The following PIP4K2A variants were observed in gnomAD, a reference collection of about 807,000 sequenced individuals.
PIP4K2A encodes phosphatidylinositol-5-phosphate 4-kinase type 2 alpha.
In PIP4K2A, 14 loss-of-function variants were observed where a neutral mutation model predicts 42.9. That is an observed-to-expected ratio of 0.33 (90% CI 0.22 to 0.51). The LOEUF (loss-of-function observed/expected upper bound fraction) is 0.51. Among genes scored for constraint, PIP4K2A ranks in the 20% least tolerant of loss-of-function variants. The pLI is 0.97. For synonymous variants in PIP4K2A, 192 were observed against 192.2 expected, an observed-to-expected ratio of 1.00 and a Z score of 0.01; for missense variants, 434 against 519.8, an observed-to-expected ratio of 0.83 and a Z score of 1.61.
At chr10:22,688,452 A>G (rs933228898) in intron 1 of PIP4K2A, among the ~76,000 whole-genome samples, 1 of 152,172 alleles carries the variant, frequency 6.6e-6, no homozygotes, top group African/African-American at 2.4e-5. Context: ...TAAAAGCATG[A>G]AATACTGATT....
intron 1 of PIP4K2A, among the ~76,000 whole-genome samples, chr10:22,711,381 TC>T (rs1833908586): frequency 6.6e-6 from 1 of 152,246 alleles, no homozygotes; most frequent in Non-Finnish European, 1.5e-5. Flanking sequence ...TAGATTTCCT[TC>T]CCCTGTAGTC....
chr10:22,539,674 G>T (rs1006083111), intron 9 of PIP4K2A: 1 of 326,108 alleles, frequency 3.1e-6, no homozygotes, highest in Non-Finnish European at 5.6e-6. Context: ...AAGAAGAGAT[G>T]TTCATGTTTA....
intron 6 of PIP4K2A, among the ~76,000 whole-genome samples, chr10:22,563,224 T>C (rs968443532): frequency 1.3e-5 from 2 of 152,214 alleles, no homozygotes; most frequent in Admixed American, 6.5e-5. Context: ...CTCTGTCTTC[T>C]GGAATAAGAG....
At chr10:22,574,091 G>A (rs558846773) in intron 4 of PIP4K2A, among the ~76,000 whole-genome samples, 21 of 40,310 alleles carry the variant, frequency 5.2e-4, no homozygotes, top group Admixed American at 4.5e-3. Context: ...CATTTCCGAG[G>A]AGAGTTGCAA....
At chr10:22,571,155 T>C (rs1836977593) in intron 5 of PIP4K2A, among the ~76,000 whole-genome samples, 1 of 152,224 alleles carries the variant, frequency 6.6e-6, no homozygotes, top group Non-Finnish European at 1.5e-5. Flanking sequence ...GAGTTATGAG[T>C]TGAACTGGCC....
intron 1 of PIP4K2A, among the ~76,000 whole-genome samples, chr10:22,664,173 A>G (rs1448909377): frequency 6.0e-5 from 4 of 67,102 alleles, no homozygotes; most frequent in East Asian, 2.7e-4. Context: ...ATATACATAT[A>G]TATATATACA....
chr10:22,655,027 G>C (rs1168753928), intron 1 of PIP4K2A, among the ~76,000 whole-genome samples: 1 of 152,074 alleles, frequency 6.6e-6, no homozygotes, highest in Non-Finnish European at 1.5e-5. Flanking sequence ...ACCACCTGGG[G>C]CCAGGAGTTT....
At chr10:22,575,295 G>A (rs999114221) in intron 4 of PIP4K2A, among the ~76,000 whole-genome samples, 1 of 152,118 alleles carries the variant, frequency 6.6e-6, no homozygotes, top group Admixed American at 6.5e-5. Flanking sequence ...GGTCTGCTCC[G>A]AGGCAGTTAT....
intron 1 of PIP4K2A, among the ~76,000 whole-genome samples, chr10:22,690,272 A>C (rs1268246384): frequency 6.6e-6 from 1 of 152,206 alleles, no homozygotes; most frequent in Non-Finnish European, 1.5e-5. Context: ...AGGTACAGAG[A>C]GATTAATTCA....
At position 22,599,065 on chromosome 10, in the gene PIP4K2A, G is replaced by C. The variant is rs547988209; in HGVS notation, c.340-7284C>G. Among the ~76,000 whole-genome samples the C allele has an allele frequency of 2.8e-5, 4 of 142,662 alleles. No homozygotes were observed. The South Asian group carries it at 9.3e-4, about 33-fold the overall frequency. 93.6% of individuals were successfully genotyped at this position (142,662 alleles called of 152,430 possible). A position where few individuals can be genotyped will look rare whatever the true frequency, so the allele number is the denominator to read the frequency against. ...ACTTTGGGAAAAACTGTCTCTTATC[G>C]AATAAATTAAACTAGTTTCAACCTT... On this transcript the variant is annotated intron_variant, in intron 3 of 9. Coordinates refer to ENST00000376573, the MANE Select transcript of PIP4K2A (RefSeq NM_005028.5).
chr10:22,573,715 C>A (rs551827916), intron 4 of PIP4K2A, among the ~76,000 whole-genome samples: 1 of 152,232 alleles, frequency 6.6e-6, no homozygotes, highest in East Asian at 1.9e-4. Context: ...ATGGTCAAAC[C>A]TTGGATATGA....
intron 1 of PIP4K2A, among the ~76,000 whole-genome samples, chr10:22,652,345 T>C (rs1398547563): frequency 6.6e-6 from 1 of 152,078 alleles, no homozygotes; most frequent in Non-Finnish European, 1.5e-5. Flanking sequence ...GGTATTGAAC[T>C]CCTGACCTCA....
intron 1 of PIP4K2A, among the ~76,000 whole-genome samples, chr10:22,627,453 G>A (rs546167771): frequency 5.1e-4 from 78 of 151,778 alleles, no homozygotes; most frequent in African/African-American, 1.7e-3. Context: ...CTTAAATAGC[G>A]TATTAGTTTC....
chr10:22,602,475 T>C lies in PIP4K2A; in HGVS notation c.339+5452A>G, dbSNP rs917318326. On this transcript the variant is annotated intron_variant, in intron 3 of 9. Coordinates refer to ENST00000376573, the MANE Select transcript of PIP4K2A (RefSeq NM_005028.5). ...AAAAGAAAATACAGATGTCATGACA[T>C]TGCCATTCCCCTGAGCAAAACCCAC... Among the ~76,000 whole-genome samples the C allele has an allele frequency of 5.3e-5, 8 of 151,532 alleles. No individual in the cohort carries two copies. The South Asian group carries it at 6.3e-4, about 12-fold the overall frequency.
At chr10:22,597,589 G>A (rs1483006552) in intron 3 of PIP4K2A, among the ~76,000 whole-genome samples, 2 of 152,002 alleles carry the variant, frequency 1.3e-5, no homozygotes, top group African/African-American at 2.4e-5. Context: ...TATACTGGGA[G>A]TGCTGAATTC....
intron 8 of PIP4K2A, among the ~76,000 whole-genome samples, chr10:22,540,579 CAG>C (rs1226146879): frequency 6.6e-6 from 1 of 152,040 alleles, no homozygotes; most frequent in African/African-American, 2.4e-5. Flanking sequence ...TTTTTTGAGA[CAG>C]AGTTTTGTTC....
At chr10:22,661,557 C>T (rs1023879598) in intron 1 of PIP4K2A, among the ~76,000 whole-genome samples, 3 of 151,974 alleles carry the variant, frequency 2.0e-5, no homozygotes, top group Non-Finnish European at 4.4e-5. Context: ...GAAACAATGT[C>T]TCACTTTGTT....
intron 1 of PIP4K2A, among the ~76,000 whole-genome samples, chr10:22,672,293 G>T (rs993494423): frequency 6.8e-6 from 1 of 147,696 alleles, no homozygotes; most frequent in Non-Finnish European, 1.5e-5. Context: ...GTGTGGGGGG[G>T]GATTGTTGGA....
Position 22,641,617 on chromosome 10 carries a change from T to TA in PIP4K2A, c.145-31901_145-31900insT, listed in dbSNP as rs200180515. Among the ~76,000 whole-genome samples the TA allele has an allele frequency of 1.3e-3, 200 of 151,290 alleles. 2 individuals are homozygous for TA. The highest frequency in any genetic ancestry group is 4.3e-3 in the African/African-American group (178 of 41,228). Reference sequence around the variant, plus strand: ...CAACCACACTCAGATAGGTTTTTTTTTAAAAAAAAAATTTTGTAGAGATGG... The same window carrying TA: ...CAACCACACTCAGATAGGTTTTTTTTATAAAAAAAAAATTTTGTAGAGATGG... On this transcript the variant is annotated intron_variant, in intron 1 of 9. Transcript: ENST00000376573.
Sources: gnomAD v4.1 joint callset for allele counts (sites outside exome capture counted in the v4.1 genomes callset) on GRCh38, gnomAD v4.1.1 for gene constraint, MANE v1.5 for transcripts, NCBI Gene and HGNC (gene_info 2026-07-23, HGNC 2026-07-21) for gene names.